The following ABCB7 variants were observed in gnomAD, a reference collection of about 807,000 sequenced individuals.
The protein encoded by ABCB7 is ATP binding cassette subfamily B member 7.
ABCB7 carries 7 observed loss-of-function variants against 54.4 expected under a neutral mutation model. The ratio of observed to expected loss-of-function variants is 0.13; its 90% CI spans 0.07 to 0.24. The LOEUF (loss-of-function observed/expected upper bound fraction) is 0.24. Ranked by LOEUF, ABCB7 falls within the 10% of genes least tolerant of loss-of-function variation. The pLI, the probability that ABCB7 is intolerant of heterozygous loss-of-function variation, is 1.00. For missense variants in ABCB7, 356 were observed against 570.4 expected, an observed-to-expected ratio of 0.62 and a Z score of 3.83; for synonymous variants, 218 against 207.1, an observed-to-expected ratio of 1.05 and a Z score of -0.45.
chrX:75,114,946 G>A, intron 1 of ABCB7, 115 bp from the exon 2 acceptor site: 1 of 627,601 alleles, frequency 1.6e-6, no homozygotes, highest in Admixed American at 3.0e-5. Flanking sequence ...ATATTGGAGA[G>A]ATGATTATGC....
chrX:75,096,653 T>C (rs935356532), intron 4 of ABCB7, among the ~76,000 whole-genome samples: 2 of 111,651 alleles, frequency 1.8e-5, no homozygotes, highest in African/African-American at 6.5e-5. Flanking sequence ...TGAATATCTC[T>C]ATCTGGGTGT....
chrX:75,154,524 C>T (rs780650908), intron 1 of ABCB7, among the ~76,000 whole-genome samples: 2 of 112,072 alleles, frequency 1.8e-5, no homozygotes, highest in Admixed American at 9.5e-5. Context: ...CATCTAGATT[C>T]GCTTCGTTAG....
At chrX:75,097,765 G>T (rs1367940768) in intron 4 of ABCB7, among the ~76,000 whole-genome samples, 1 of 111,225 alleles carries the variant, frequency 9.0e-6, no homozygotes, top group East Asian at 2.8e-4. Flanking sequence ...CATTATTTTT[G>T]GAAATCTAAA....
chrX:75,116,387 TTG>T (rs2081820507), intron 1 of ABCB7, among the ~76,000 whole-genome samples: 1 of 102,850 alleles, frequency 9.7e-6, no homozygotes, highest in African/African-American at 3.6e-5. Flanking sequence ...CCTCCTGAGG[TTG>T]TGTCATGTGC....
intron 4 of ABCB7, among the ~76,000 whole-genome samples, chrX:75,090,687 A>C (rs1455306189): frequency 9.0e-6 from 1 of 111,165 alleles, no homozygotes; most frequent in Non-Finnish European, 1.9e-5. Context: ...ACAAAACCAA[A>C]AGCTGCCTCT....
chrX:75,150,503 C>T (rs184865611), intron 1 of ABCB7, among the ~76,000 whole-genome samples: 2 of 111,061 alleles, frequency 1.8e-5, no homozygotes, highest in East Asian at 5.7e-4. Flanking sequence ...AAAATGCTCA[C>T]AAGTAAAAAC....
chrX:75,155,076 A>G (rs752101865), intron 1 of ABCB7, among the ~76,000 whole-genome samples: 1 of 112,451 alleles, frequency 8.9e-6, no homozygotes, highest in South Asian at 3.7e-4. Context: ...CATACTATTC[A>G]TTTGCTAATT....
chrX:75,053,244 T>C lies in ABCB7; in HGVS notation c.*126A>G. ...AAGATGTAAAACTCAAATCCCCTTT[T>C]AAATAAATCTTATCTAAAAGAAGGA... On this transcript the variant is annotated 3_prime_UTR_variant, in exon 16 of 16. Transcript: ENST00000373394. 1.1e-6 allele frequency: 1 copy of C among 918,677 alleles called. No homozygotes were observed. The highest frequency in any genetic ancestry group is 1.5e-6 in the Non-Finnish European group (1 of 672,048). The allele number at this position is 918,677 out of a possible 1,213,427, so 75.7% of individuals were successfully genotyped here. A position where few individuals can be genotyped will look rare whatever the true frequency, so the allele number is the denominator to read the frequency against.
chrX:75,121,774 G>C (rs140372010), intron 1 of ABCB7, among the ~76,000 whole-genome samples: 30 of 112,363 alleles, frequency 2.7e-4, no homozygotes, highest in African/African-American at 9.4e-4. Context: ...CAGGAATGCA[G>C]AATAAGTTTA....
chrX:75,083,954 C>T (rs12845965), intron 4 of ABCB7, among the ~76,000 whole-genome samples: 1,174 of 110,863 alleles, frequency 0.011, 7 homozygotes, highest in Non-Finnish European at 0.017. Context: ...TGTTCTTTAT[C>T]CTTGATTTTG....
intron 8 of ABCB7, among the ~76,000 whole-genome samples, chrX:75,073,277 G>A (rs779070753): frequency 9.0e-6 from 1 of 111,719 alleles, no homozygotes; most frequent in Admixed American, 9.6e-5. Flanking sequence ...GATGGGTCGC[G>A]CAGCTGGTTT....
intron 1 of ABCB7, among the ~76,000 whole-genome samples, chrX:75,132,801 G>A (rs1375341480): frequency 5.3e-5 from 6 of 112,183 alleles, no homozygotes; most frequent in African/African-American, 1.3e-4. Flanking sequence ...AAGACCCTGC[G>A]GCAAGCCTCA....
At chrX:75,081,968 C>T (rs6647624) in intron 4 of ABCB7, among the ~76,000 whole-genome samples, 3,158 of 108,961 alleles carry the variant, frequency 0.029, 116 homozygotes, top group African/African-American at 0.1. Context: ...GGAGCTGTAA[C>T]AAAACACTTA....
rs1372581878 is a variant in ABCB7, at chrX:75,095,684, TCTC to T, written c.453+3255_453+3257del. ...TCATAACATCTGGCAATTTCTTCCTTCTCCTGATTCAAAAGAAATCAAACATTC... is the reference window on the plus strand; with the variant it reads ...TCATAACATCTGGCAATTTCTTCCTTCTGATTCAAAAGAAATCAAACATTC... On this transcript the variant is annotated intron_variant, in intron 4 of 15. Coordinates refer to ENST00000373394, the MANE Select transcript of ABCB7 (RefSeq NM_001271696.3). Among the ~76,000 whole-genome samples, 19 of 112,536 alleles carry T rather than the reference TCTC, an allele frequency of 1.7e-4. No individual in the cohort carries two copies. In the East Asian group the frequency reaches 4.2e-3, roughly 25 times the overall value.
At chrX:75,125,758 T>C (rs145436077) in intron 1 of ABCB7, among the ~76,000 whole-genome samples, 2 of 110,982 alleles carry the variant, frequency 1.8e-5, no homozygotes, top group East Asian at 5.6e-4. Flanking sequence ...TTTCTGATAA[T>C]GCTGCTTTTG....
In ABCB7 at chrX:75,115,410, C is replaced by CTTTTTTTTT. The variant is rs747398607; in HGVS notation, c.169-588_169-580dup. On this transcript the variant is annotated intron_variant, in intron 1 of 15. Transcript: ENST00000373394. ...TTTCTTTCTGGTTTCTGTCTCTTTT[C>CTTTTTTTTT]TTTTTTTTTTTTTTTTTTTTTTTTT... 1.6e-3 allele frequency among the ~76,000 whole-genome samples: 47 copies of CTTTTTTTTT among 30,157 alleles called. 4 individuals are homozygous for CTTTTTTTTT. Among genetic ancestry groups the CTTTTTTTTT allele is most frequent in the African/African-American group, 6.1e-3 (34 of 5,557 alleles). 26.2% of individuals were successfully genotyped at this position (30,157 alleles called of 115,157 possible). A position where few individuals can be genotyped will look rare whatever the true frequency, so the allele number is the denominator to read the frequency against.
intron 2 of ABCB7, 78 bp downstream of exon 2, chrX:75,114,676 T>C (rs1029481250): frequency 8.5e-6 from 7 of 828,252 alleles, no homozygotes; most frequent in Non-Finnish European, 1.2e-5. Flanking sequence ...ATGTAAAATA[T>C]GTAGTATAAA....
At chrX:75,069,894 A>G (rs2081350518) in intron 10 of ABCB7, among the ~76,000 whole-genome samples, 1 of 109,004 alleles carries the variant, frequency 9.2e-6, no homozygotes, top group African/African-American at 3.5e-5. Context: ...ATTTATTTTG[A>G]GACGGAGTTC....
intron 4 of ABCB7, among the ~76,000 whole-genome samples, chrX:75,090,178 T>A (rs766788659): frequency 9.2e-6 from 1 of 109,064 alleles, no homozygotes; most frequent in South Asian, 4.0e-4. Flanking sequence ...TATAGGATAC[T>A]TCATCCAACA....
Sources: gnomAD v4.1 joint callset for allele counts (sites outside exome capture counted in the v4.1 genomes callset) on GRCh38, gnomAD v4.1.1 for gene constraint, MANE v1.5 for transcripts, NCBI Gene and HGNC (gene_info 2026-07-23, HGNC 2026-07-21) for gene names.